PUM1: variants seen among roughly 807,000 people sequenced by gnomAD.
PUM1 encodes the protein pumilio homolog 1.
PUM1 carries 13 observed loss-of-function variants against 131.8 expected under a neutral mutation model. That is an observed-to-expected ratio of 0.10 (90% confidence interval 0.06 to 0.16). The LOEUF (loss-of-function observed/expected upper bound fraction) is 0.16, where lower values mean the gene tolerates loss of function less well. Ranked by LOEUF, PUM1 falls within the 10% of genes least tolerant of loss-of-function variation. The pLI, the probability that PUM1 is intolerant of heterozygous loss-of-function variation, is 1.00. For missense variants in PUM1, 961 were observed against 1,512.4 expected (o/e 0.64, Z 6.05); for synonymous variants, 509 against 556.5 (o/e 0.91, Z 1.20).
chr1:30,966,206 C>A lies in PUM1; in HGVS notation c.1862G>T (p.Arg621Leu). ...GLAGTTNGPFRPLGTQQPQPQ... is the reference protein window; with the variant it reads ...GLAGTTNGPFLPLGTQQPQPQ... ...CTGAGGCTGCTGTGTTCCTAAAGGG[C>A]GAAATGGTCCATTTGTTGTTCCAGC... The change falls in exon 13 of 22, where the codon CGC (arginine) becomes CTC (leucine). Residue 621 changes from arginine (R) to leucine (L), a missense_variant. Transcript: ENST00000426105. 6.2e-7 allele frequency: 1 copy of A among 1,613,898 alleles called. No homozygotes were observed. The highest frequency in any genetic ancestry group is 8.5e-7 in the Non-Finnish European group (1 of 1,179,936).
chr1:31,049,140 G>A (rs1644044646), intron 2 of PUM1, among the ~76,000 whole-genome samples: 1 of 152,118 alleles, frequency 6.6e-6, no homozygotes, highest in African/African-American at 2.4e-5. Flanking sequence ...GGGAGGAGGA[G>A]GTTGCAGTGA....
At chr1:31,036,145 C>T (rs1436595720) in intron 2 of PUM1, among the ~76,000 whole-genome samples, 1 of 151,950 alleles carries the variant, frequency 6.6e-6, no homozygotes, top group Non-Finnish European at 1.5e-5. Context: ...TCTCGGCTCA[C>T]TGCAACCCCT....
chr1:31,007,855 T>TAA (rs1642449316), intron 3 of PUM1, among the ~76,000 whole-genome samples: 5 of 152,192 alleles, frequency 3.3e-5, no homozygotes, highest in African/African-American at 1.2e-4. Context: ...CAAAGTACCC[T>TAA]TCAAGCAAGA....
chr1:31,003,160 A>G (rs1047480717), intron 5 of PUM1, among the ~76,000 whole-genome samples: 6 of 152,166 alleles, frequency 3.9e-5, no homozygotes, highest in Admixed American at 3.3e-4. Context: ...AGCTACCCCA[A>G]AAGTAAAAAT....
intron 5 of PUM1, among the ~76,000 whole-genome samples, chr1:31,003,851 T>C (rs1174894980): frequency 6.6e-6 from 1 of 152,180 alleles, no homozygotes; most frequent in African/African-American, 2.4e-5. Flanking sequence ...TGTCACTAGA[T>C]CAGTCCTCTT....
intron 5 of PUM1, among the ~76,000 whole-genome samples, chr1:30,995,910 TCTAATAA>T (rs905506260): frequency 2.6e-5 from 4 of 152,220 alleles, no homozygotes; most frequent in African/African-American, 9.6e-5. Context: ...CCAAAAGTAT[TCTAATAA>T]CTATCTTCTA....
intron 2 of PUM1, among the ~76,000 whole-genome samples, chr1:31,057,465 C>T (rs1305708432): frequency 2.7e-5 from 4 of 149,064 alleles, no homozygotes; most frequent in Non-Finnish European, 4.4e-5. Context: ...TGGCTCACAC[C>T]CGTAATCCCA....
At chr1:31,001,880 T>C (rs1172862817) in intron 5 of PUM1, among the ~76,000 whole-genome samples, 1 of 152,178 alleles carries the variant, frequency 6.6e-6, no homozygotes, top group African/African-American at 2.4e-5. Flanking sequence ...GCAGTGCTTA[T>C]CAAACTTTAA....
intron 2 of PUM1, among the ~76,000 whole-genome samples, chr1:31,053,868 G>A (rs1019575944): frequency 2.6e-5 from 4 of 152,064 alleles, no homozygotes; most frequent in African/African-American, 9.7e-5. Flanking sequence ...GCCGAGGCAG[G>A]TGGATCACCT....
chr1:30,996,330 C>G (rs1393903177), intron 5 of PUM1, among the ~76,000 whole-genome samples: 1 of 152,096 alleles, frequency 6.6e-6, no homozygotes, highest in African/African-American at 2.4e-5. Flanking sequence ...TCCCAGTCAC[C>G]AAAACCAAAT....
intron 2 of PUM1, among the ~76,000 whole-genome samples, chr1:31,047,794 T>A (rs1272155614): frequency 6.6e-6 from 1 of 152,016 alleles, no homozygotes; most frequent in African/African-American, 2.4e-5. Flanking sequence ...GTACAAAAAT[T>A]AGCTGGGCAT....
At chr1:30,940,050 C>CA (rs1366259173) in intron 20 of PUM1, among the ~76,000 whole-genome samples, 1 of 152,084 alleles carries the variant, frequency 6.6e-6, no homozygotes, top group African/African-American at 2.4e-5. Context: ...AGGAACCCCC[C>CA]AAAACAAAAC....
intron 9 of PUM1, among the ~76,000 whole-genome samples, chr1:30,978,572 A>G (rs1016788707): frequency 1.5e-4 from 23 of 152,268 alleles, no homozygotes; most frequent in Admixed American, 1.3e-3. Context: ...ATTGCAAATT[A>G]CATGTTACAT....
chr1:30,968,575 T>TA, intron 10 of PUM1, 83 bp from the exon 11 acceptor site: 1 of 1,407,634 alleles, frequency 7.1e-7, no homozygotes, highest in African/African-American at 1.5e-5. Flanking sequence ...GGTCAACTTT[T>TA]AAAACTTAAT....
chr1:30,975,872 C>A (rs1263850390), intron 9 of PUM1, among the ~76,000 whole-genome samples: 1 of 151,936 alleles, frequency 6.6e-6, no homozygotes, highest in East Asian at 1.9e-4. Flanking sequence ...ACTTTGAGGT[C>A]AGGAGTTCGA....
At chr1:31,014,277 G>A (rs1268159564) in intron 3 of PUM1, among the ~76,000 whole-genome samples, 2 of 146,606 alleles carry the variant, frequency 1.4e-5, no homozygotes, top group Admixed American at 1.4e-4. Context: ...CTCTAGCCTG[G>A]GCAACAGAGC....
chr1:30,953,598 G>C (rs1440117206), intron 15 of PUM1, 116 bp downstream of exon 15: 2 of 1,101,232 alleles, frequency 1.8e-6, no homozygotes, highest in Non-Finnish European at 2.6e-6. Flanking sequence ...AAACTAAGAG[G>C]CACGCTTTTA....
rs772730238 is a variant in PUM1 at position 30,936,847 on chromosome 1, T to G, written c.3243-12A>C. 6.3e-7 allele frequency: 1 copy of G among 1,591,758 alleles called. No individual in the cohort carries two copies. Among genetic ancestry groups the G allele is most frequent in the East Asian group, 2.2e-5 (1 of 44,474 alleles). ...TCTCCACAACATTGCTGTAATGAGATAAAACCAGGGACAACTCTTACAAGA... is the reference window on the plus strand; with the variant it reads ...TCTCCACAACATTGCTGTAATGAGAGAAAACCAGGGACAACTCTTACAAGA... On this transcript the variant is annotated splice_polypyrimidine_tract_variant and intron_variant, in intron 20 of 21. Coordinates refer to ENST00000426105, the MANE Select transcript of PUM1 (RefSeq NM_001020658.2).
intron 14 of PUM1, among the ~76,000 whole-genome samples, chr1:30,956,011 T>A (rs1640150043): frequency 6.6e-6 from 1 of 152,182 alleles, no homozygotes. Context: ...AGAGGTGAAA[T>A]GTTCATCCAA....
Sources: gnomAD v4.1 joint callset for allele counts (sites outside exome capture counted in the v4.1 genomes callset) on GRCh38, gnomAD v4.1.1 for gene constraint, MANE v1.5 for transcripts, NCBI Gene and HGNC (gene_info 2026-07-23, HGNC 2026-07-21) for gene names.